The following CSMD3 variants were observed in gnomAD, a reference collection of about 807,000 sequenced individuals.
CSMD3 encodes the protein CUB and sushi domain-containing protein 3.
CSMD3 carries 177 observed loss-of-function variants against 435.2 expected under a neutral mutation model. The ratio of observed to expected loss-of-function variants is 0.41; its 90% CI spans 0.36 to 0.46. The LOEUF (loss-of-function observed/expected upper bound fraction) is 0.46, where lower values mean the gene tolerates loss of function less well. Among genes scored for constraint, CSMD3 ranks in the 20% least tolerant of loss-of-function variants. CSMD3 has a pLI of 0.34. For synonymous variants in CSMD3, 1,656 were observed against 1,520.5 expected, an observed-to-expected ratio of 1.09 and a Z score of -2.07; for missense variants, 4,265 against 4,504.6, an observed-to-expected ratio of 0.95 and a Z score of 1.52.
chr8:112,661,563 A>T (rs1204322246), intron 17 of CSMD3, among the ~76,000 whole-genome samples: 5 of 152,160 alleles, frequency 3.3e-5, no homozygotes. Context: ...GCTGAAAGAT[A>T]CTAGGTGTTT....
chr8:112,523,732 C>T (rs1824555998), intron 27 of CSMD3, among the ~76,000 whole-genome samples: 1 of 151,980 alleles, frequency 6.6e-6, no homozygotes, highest in Non-Finnish European at 1.5e-5. Flanking sequence ...TGATTGAGCC[C>T]TTGCTTTGTA....
intron 13 of CSMD3, among the ~76,000 whole-genome samples, chr8:112,740,274 G>GT (rs2077274768): frequency 6.6e-6 from 1 of 151,520 alleles, no homozygotes; most frequent in South Asian, 2.1e-4. Flanking sequence ...CTAATAAGTA[G>GT]TTTTCCTTAC....
At chr8:112,792,668 T>G (rs1219197742) in intron 13 of CSMD3, among the ~76,000 whole-genome samples, 1 of 152,216 alleles carries the variant, frequency 6.6e-6, no homozygotes, top group African/African-American at 2.4e-5. Flanking sequence ...AAAAGTTGTA[T>G]AGCTTTAGCT....
At chr8:112,970,632 A>G (rs189386755) in intron 7 of CSMD3, among the ~76,000 whole-genome samples, 1 of 152,054 alleles carries the variant, frequency 6.6e-6, no homozygotes, top group Admixed American at 6.5e-5. Context: ...ATTTCTATTC[A>G]GCCTAAATAC....
intron 13 of CSMD3, among the ~76,000 whole-genome samples, chr8:112,699,138 G>A (rs1290765707): frequency 6.6e-6 from 1 of 152,138 alleles, no homozygotes; most frequent in Non-Finnish European, 1.5e-5. Flanking sequence ...CTTCCATGCT[G>A]TGGAAGCTTT....
intron 51 of CSMD3, among the ~76,000 whole-genome samples, 180 bp downstream of exon 51, chr8:112,305,827 A>G (rs1157824516): frequency 1.3e-5 from 2 of 152,142 alleles, no homozygotes; most frequent in Non-Finnish European, 2.9e-5. Context: ...ATGATGGAAA[A>G]GACCTTGTAC....
chr8:113,124,391 T>C (rs1386781136), intron 4 of CSMD3, among the ~76,000 whole-genome samples: 5 of 152,080 alleles, frequency 3.3e-5, no homozygotes, highest in Admixed American at 3.3e-4. Context: ...TCTCACATTA[T>C]TTAACGAGAC....
At chr8:113,361,564 T>G (rs2094276714) in intron 1 of CSMD3, among the ~76,000 whole-genome samples, 1 of 152,078 alleles carries the variant, frequency 6.6e-6, no homozygotes, top group South Asian at 2.1e-4. Flanking sequence ...CCAATGGTCA[T>G]AAAAAGTTAG....
intron 41 of CSMD3, among the ~76,000 whole-genome samples, chr8:112,342,498 A>G (rs891074788): frequency 5.9e-5 from 9 of 152,140 alleles, no homozygotes; most frequent in African/African-American, 2.2e-4. Flanking sequence ...TATATTTGCT[A>G]CACATTATAT....
chr8:113,435,550 C>G (rs1226074788), intron 1 of CSMD3, among the ~76,000 whole-genome samples: 1 of 152,020 alleles, frequency 6.6e-6, no homozygotes, highest in African/African-American at 2.4e-5. Flanking sequence ...AAGGAAGAAG[C>G]GTCCAGTTTG....
At chr8:113,042,781 A>G (rs2087677145) in intron 5 of CSMD3, among the ~76,000 whole-genome samples, 1 of 152,186 alleles carries the variant, frequency 6.6e-6, no homozygotes, top group Non-Finnish European at 1.5e-5. Flanking sequence ...GGAAATGGAA[A>G]TAATACAACT....
At chr8:112,707,426 A>G (rs1223627739) in intron 13 of CSMD3, among the ~76,000 whole-genome samples, 1 of 143,318 alleles carries the variant, frequency 7.0e-6, no homozygotes, top group African/African-American at 2.6e-5. Context: ...ATAAACCATT[A>G]TTGAGACTGC....
chr8:113,254,116 G>A (rs1276997279), intron 3 of CSMD3, among the ~76,000 whole-genome samples: 1 of 152,114 alleles, frequency 6.6e-6, no homozygotes, highest in African/African-American at 2.4e-5. Flanking sequence ...TCTGATCTGA[G>A]TGTCTATAAT....
chr8:113,247,130 G>C (rs1009581760), intron 3 of CSMD3, among the ~76,000 whole-genome samples: 1 of 152,200 alleles, frequency 6.6e-6, no homozygotes, highest in African/African-American at 2.4e-5. Context: ...CTCCACAGGA[G>C]CTGTCTTTTG....
intron 1 of CSMD3, among the ~76,000 whole-genome samples, chr8:113,428,204 ATATCTATCTATCTATCTATC>A (rs36077177): frequency 2.1e-3 from 307 of 146,234 alleles, no homozygotes; most frequent in African/African-American, 4.3e-3. Context: ...CAACTGTGGG[ATATCTATCTATCTATCTATC>A]TATCTATCTA....
chr8:113,110,227 A>C (rs1421978301), intron 4 of CSMD3, among the ~76,000 whole-genome samples: 2 of 152,158 alleles, frequency 1.3e-5, no homozygotes, highest in Admixed American at 1.3e-4. Flanking sequence ...ATTTTTTATA[A>C]TATGGACAGT....
intron 38 of CSMD3, among the ~76,000 whole-genome samples, chr8:112,377,332 C>A (rs1172250287): frequency 6.6e-6 from 1 of 151,944 alleles, no homozygotes; most frequent in Non-Finnish European, 1.5e-5. Context: ...GGACCCATAA[C>A]TAGTGAAAAG....
chr8:112,518,548 A>G (rs927941251), intron 27 of CSMD3, among the ~76,000 whole-genome samples: 2 of 151,922 alleles, frequency 1.3e-5, no homozygotes, highest in African/African-American at 2.4e-5. Flanking sequence ...AGCATCATGC[A>G]TCAAAGAATC....
At chr8:113,275,248 T>C (rs953743036) in intron 3 of CSMD3, among the ~76,000 whole-genome samples, 2 of 152,226 alleles carry the variant, frequency 1.3e-5, no homozygotes, top group East Asian at 3.9e-4. Flanking sequence ...AAGTATCTTC[T>C]CCAGAATAAT....
Sources: gnomAD v4.1 joint callset for allele counts (sites outside exome capture counted in the v4.1 genomes callset) on GRCh38, gnomAD v4.1.1 for gene constraint, MANE v1.5 for transcripts, NCBI Gene and HGNC (gene_info 2026-07-23, HGNC 2026-07-21) for gene names.